C16orf96: variants seen among roughly 807,000 people sequenced by gnomAD.
C16orf96 encodes the protein chromosome 16 open reading frame 96, also known as uncharacterized protein C16orf96.
Under a neutral mutation model 103.6 loss-of-function variants are expected in C16orf96, and 108 were observed. That is an observed-to-expected ratio of 1.04 (90% CI 0.89 to 1.22). The LOEUF (loss-of-function observed/expected upper bound fraction) is 1.22. Ranked by LOEUF, C16orf96 falls within the 50% of genes most tolerant of loss-of-function variation. C16orf96 has a pLI of 0.00. For missense variants in C16orf96, 1,586 were observed against 1,464.2 expected (o/e 1.08, Z -1.36); for synonymous variants, 566 against 593.5 (o/e 0.95, Z 0.67).
rs1364804418 is a variant in C16orf96, at chr16:4,600,494, C to CCT, written c.*178_*179insTC. ...TCCGAGGCTGAGGCTCATGCGCCCCCCCCCATCCCTACCAAGTCCCCTCCA... is the reference window on the plus strand; with the variant it reads ...TCCGAGGCTGAGGCTCATGCGCCCCCCTCCCCATCCCTACCAAGTCCCCTCCA... On this transcript the variant is annotated 3_prime_UTR_variant, in exon 16 of 16. Transcript: ENST00000444310. 8 of 479,410 alleles carry CCT rather than the reference C, an allele frequency of 1.7e-5. No homozygotes were observed. Among genetic ancestry groups the CCT allele is most frequent in the East Asian group, 7.7e-5 (2 of 25,886 alleles). 29.7% of individuals were successfully genotyped at this position (479,410 alleles called of 1,614,324 possible). A position where few individuals can be genotyped will look rare whatever the true frequency, so the allele number is the denominator to read the frequency against.
chr16:4,585,731 C>T (rs746444399), intron 7 of C16orf96, among the ~76,000 whole-genome samples: 19 of 152,184 alleles, frequency 1.2e-4, no homozygotes, highest in Non-Finnish European at 2.6e-4. Flanking sequence ...CACCTGAAAG[C>T]TCAGAGGGGC....
chr16:4,592,308 G>T lies in C16orf96; in HGVS notation c.2715G>T (p.Lys905Asn), dbSNP rs2141758284. 6.4e-7 allele frequency: 1 copy of T among 1,551,658 alleles called. No individual in the cohort carries two copies. Among genetic ancestry groups the T allele is most frequent in the Non-Finnish European group, 8.7e-7 (1 of 1,146,982 alleles). The change falls in exon 11 of 16, where the codon AAG (lysine) becomes AAT (asparagine). Residue 905 changes from lysine (K) to asparagine (N), a missense_variant. Transcript: ENST00000444310. ...CTGATGATCATGTGCCTTTCAGGAA[G>T]CTGTTCAAGCGCGTGAAGTGCATCT... ...DPDSAAGFRRKLFKRVKCISC... is the reference protein window; with the variant it reads ...DPDSAAGFRRNLFKRVKCISC...
Position 4,587,109 on chromosome 16 carries a change from G to C in C16orf96, c.2423G>C (p.Arg808Thr). 1.9e-6 allele frequency: 3 copies of C among 1,551,500 alleles called. No homozygotes were observed. Among genetic ancestry groups the C allele is most frequent in the Non-Finnish European group, 2.6e-6 (3 of 1,146,898 alleles). Residue 808 changes from arginine to threonine, a missense_variant, in exon 8 of 16, where the codon AGA becomes ACA. By Grantham distance (71) the Arg-to-Thr change is moderately conservative. Coordinates refer to ENST00000444310, the MANE Select transcript of C16orf96 (RefSeq NM_001145011.2). ...VNKSTMEEEL[R>T]EKADRSALAG... ...AAGAGCACGATGGAGGAGGAGCTGA[G>C]AGAGGTGAGTGAGCAGAGGTTCCTC...
chr16:4,580,310 A>ACCCCCCC (rs150403662), intron 7 of C16orf96, among the ~76,000 whole-genome samples, 185 bp downstream of exon 7: 142 of 104,532 alleles, frequency 1.4e-3, no homozygotes, highest in Non-Finnish European at 2.1e-3. Flanking sequence ...GAATCCCACC[A>ACCCCCCC]CCCCCCCCCA....
Position 4,556,452 on chromosome 16 carries a change from C to T in C16orf96, c.-38C>T. On this transcript the variant is annotated 5_prime_UTR_variant, in exon 1 of 16. Transcript: ENST00000444310. ...GAAAGCTACCCCTTGTCCTTGAGGA[C>T]ACCTGGAACCCCAGCCCCACTGACC... The T allele has an allele frequency of 1.3e-6, 2 of 1,484,830 alleles. No individual in the cohort carries two copies. Among genetic ancestry groups the T allele is most frequent in the Non-Finnish European group, 1.8e-6 (2 of 1,110,510 alleles). The allele number at this position is 1,484,830 out of a possible 1,614,324, so 92.0% of individuals were successfully genotyped here. A position where few individuals can be genotyped will look rare whatever the true frequency, so the allele number is the denominator to read the frequency against.
chr16:4,555,551 T>A (rs1210703658), upstream of C16orf96, among the ~76,000 whole-genome samples: 2 of 151,838 alleles, frequency 1.3e-5, no homozygotes, highest in Non-Finnish European at 2.9e-5. Context: ...TTTTGTATTT[T>A]TAGTAGAGGC....
In C16orf96 at chr16:4,600,472, G is replaced by A. The variant is rs1455292636; in HGVS notation, c.*155G>A. On this transcript the variant is annotated 3_prime_UTR_variant, in exon 16 of 16. Transcript: ENST00000444310. ...CCCCCACCAAGTCCCCTCCATGTCCGAGGCTGAGGCTCATGCGCCCCCCCC... is the reference window on the plus strand; with the variant it reads ...CCCCCACCAAGTCCCCTCCATGTCCAAGGCTGAGGCTCATGCGCCCCCCCC... 159 of 435,322 alleles carry A rather than the reference G, an allele frequency of 3.7e-4. No individual in the cohort carries two copies. The highest frequency in any genetic ancestry group is 5.5e-4 in the Non-Finnish European group (141 of 255,188). The allele number at this position is 435,322 out of a possible 1,614,324, so 27.0% of individuals were successfully genotyped here.
chr16:4,594,777 C>T lies in C16orf96; in HGVS notation c.3101C>T (p.Pro1034Leu), dbSNP rs1034719862. 4.3e-5 allele frequency: 66 copies of T among 1,550,600 alleles called. No homozygotes were observed. Among genetic ancestry groups the T allele is most frequent in the Non-Finnish European group, 4.3e-5 (49 of 1,146,900 alleles). The change falls in exon 14 of 16, where the codon CCC (proline) becomes CTC (leucine). Residue 1034 changes from proline (P) to leucine (L), a missense_variant. Pro to Leu is a moderately conservative substitution (Grantham distance 98). Coordinates refer to ENST00000444310, the MANE Select transcript of C16orf96 (RefSeq NM_001145011.2). ...GRVNSQRGAQ[P>L]LAVAKELAAV... ...GTGAACAGCCAGCGTGGGGCTCAGC[C>T]CTTGGCCGTCGCAAAGGAGCTGGCA...
In C16orf96 at chr16:4,575,808, C is replaced by G. The variant is rs1336747243; in HGVS notation, c.1328C>G (p.Ser443Cys). 10 of 1,551,184 alleles carry G rather than the reference C, an allele frequency of 6.4e-6. No individual in the cohort carries two copies. The South Asian group carries it at 7.1e-5, about 11-fold the overall frequency. Residue 443 changes from serine to cysteine, a missense_variant, in exon 5 of 16, where the codon TCT becomes TGT. By Grantham distance (112) the Ser-to-Cys change is moderately radical. Transcript: ENST00000444310. ...LWPRPLQPYQ[S>C]RQGEALQLAA... ...CCTCGACCACTCCAGCCATATCAGT[C>G]TCGCCAGGGAGAAGCCCTCCAGCTC...
At chr16:4,568,955 G>A (rs918344474) in intron 1 of C16orf96, among the ~76,000 whole-genome samples, 1 of 151,718 alleles carries the variant, frequency 6.6e-6, no homozygotes, top group Non-Finnish European at 1.5e-5. Context: ...CTCGGGTTTT[G>A]TTTTTTCGAG....
chr16:4,549,546 T>G, the C16orf96 span, among the ~76,000 whole-genome samples: 3 of 149,178 alleles, frequency 2.0e-5, no homozygotes, highest in Non-Finnish European at 4.4e-5. Context: ...TCCTGTAATC[T>G]CAGCACGTTG....
intron 2 of C16orf96, among the ~76,000 whole-genome samples, chr16:4,573,361 C>T (rs1404934002): frequency 2.0e-5 from 3 of 149,816 alleles, no homozygotes; most frequent in African/African-American, 7.4e-5. Context: ...ATCACTTGAA[C>T]CCAGGAGGTG....
chr16:4,584,941 G>T (rs1896885329), intron 7 of C16orf96, among the ~76,000 whole-genome samples: 1 of 152,180 alleles, frequency 6.6e-6, no homozygotes, highest in Non-Finnish European at 1.5e-5. Flanking sequence ...AAAGTGCTGG[G>T]ATTACAGGCA....
Position 4,597,156 on chromosome 16 carries a change from C to T in C16orf96, c.3128-2128C>T, listed in dbSNP as rs370481917. ...GTCTCAAACCCTGCATTCTCCTGGG[C>T]GGGATGTGGCTTCTCCTCGAGAGGA... On this transcript the variant is annotated intron_variant, in intron 14 of 15. Transcript: ENST00000444310. 2.9e-4 allele frequency among the ~76,000 whole-genome samples: 44 copies of T among 152,330 alleles called. 1 individual carries two copies. In the South Asian group the frequency reaches 7.2e-3, roughly 25 times the overall value.
chr16:4,579,922 A>G (rs2059563125), intron 6 of C16orf96, 93 bp from the exon 7 acceptor site: 9 of 1,092,406 alleles, frequency 8.2e-6, no homozygotes, highest in Admixed American at 6.4e-5. Context: ...GGTCTGGTAC[A>G]TTCTTCTTGG....
At chr16:4,588,701 CTTTTTTTTT>C (rs35941814) in intron 9 of C16orf96, among the ~76,000 whole-genome samples, 1 of 80,294 alleles carries the variant, frequency 1.2e-5, no homozygotes, top group Non-Finnish European at 2.4e-5. Flanking sequence ...GCAGCAATGT[CTTTTTTTTT>C]TTTTTTTTTT....
the C16orf96 span, among the ~76,000 whole-genome samples, chr16:4,548,096 A>T: frequency 6.6e-6 from 1 of 152,206 alleles, no homozygotes; most frequent in Admixed American, 6.5e-5. Context: ...AAGGAGGGGC[A>T]GGGCTACACA....
At chr16:4,547,863 G>A in the C16orf96 span, among the ~76,000 whole-genome samples, 2 of 146,444 alleles carry the variant, frequency 1.4e-5, no homozygotes, top group East Asian at 4.3e-4. Context: ...AAACTCCTGA[G>A]CTCAAGCTGT....
intron 7 of C16orf96, among the ~76,000 whole-genome samples, chr16:4,585,408 G>A (rs969816744): frequency 1.3e-5 from 2 of 151,916 alleles, no homozygotes; most frequent in African/African-American, 4.8e-5. Context: ...AGTGAGCTGT[G>A]ATCAAGCCAC....
Sources: gnomAD v4.1 joint callset for allele counts (sites outside exome capture counted in the v4.1 genomes callset) on GRCh38, gnomAD v4.1.1 for gene constraint, MANE v1.5 for transcripts, NCBI Gene and HGNC (gene_info 2026-07-23, HGNC 2026-07-21) for gene names.